Variants in WDFY1 observed in about 807,000 individuals in gnomAD.
The protein encoded by WDFY1 is WD repeat and FYVE domain-containing protein 1.
Under a neutral mutation model 56.4 loss-of-function variants are expected in WDFY1, and 32 were observed. The observed-to-expected ratio is 0.57, with a 90% CI of 0.43 to 0.76. The LOEUF (loss-of-function observed/expected upper bound fraction) is 0.76. Ranked by LOEUF, WDFY1 falls within the 30% of genes least tolerant of loss-of-function variation. WDFY1 has a pLI of 0.00. For synonymous variants in WDFY1, 192 were observed against 197.3 expected (o/e 0.97, Z 0.23); for missense variants, 480 against 545.7 (o/e 0.88, Z 1.20).
At chr2:223,929,860 C>CAG (rs1160893) in intron 1 of WDFY1, among the ~76,000 whole-genome samples, 127,796 of 151,966 alleles carry the variant, frequency 0.84, 54,468 homozygotes, top group Non-Finnish European at 0.93. Context: ...TCTCTCTTAT[C>CAG]AAGATGGTGA....
chr2:223,905,982 T>C lies in WDFY1; in HGVS notation c.299A>G (p.Asp100Gly). The C allele has an allele frequency of 6.3e-7, 1 of 1,580,668 alleles. No homozygotes were observed. Among genetic ancestry groups the C allele is most frequent in the Non-Finnish European group, 8.6e-7 (1 of 1,166,494 alleles). Residue 100 changes from aspartate to glycine, a missense_variant, in exon 4 of 12, where the codon GAT (aspartate) becomes GGT (glycine). Coordinates refer to ENST00000233055, the MANE Select transcript of WDFY1 (RefSeq NM_020830.5). ...GAVMEFHVSE[D>G]FNKMNFIKTY... ...CTTGATAAAGTTCATTTTATTAAAA[T>C]CTTCAGAAACGTGAAATTCCTAAAA...
intron 1 of WDFY1, among the ~76,000 whole-genome samples, chr2:223,930,512 G>T (rs899212382): frequency 7.2e-5 from 11 of 152,332 alleles, no homozygotes; most frequent in Non-Finnish European, 1.5e-4. Flanking sequence ...TGTATTTTTA[G>T]TAGAGACGGG....
rs1164720185 is a variant in WDFY1 at position 223,920,323 on chromosome 2, G to A, written c.138-2313C>T. Among the ~76,000 whole-genome samples the A allele has an allele frequency of 5.3e-5, 8 of 152,224 alleles. No homozygotes were observed. The East Asian group carries it at 1.2e-3, about 22-fold the overall frequency. On this transcript the variant is annotated intron_variant, in intron 1 of 11. Transcript: ENST00000233055. ...ACTGCACCCAGCAGGCTGGGCCCAC[G>A]CGGCCAGGCCCATGAGGGCTGCACA...
rs574937120 is a variant in WDFY1, at chr2:223,877,686, A to G, written c.*985T>C. On this transcript the variant is annotated 3_prime_UTR_variant, in exon 12 of 12. Coordinates refer to ENST00000233055, the MANE Select transcript of WDFY1 (RefSeq NM_020830.5). ...ATGAATAATACTAGTTATAACTCAA[A>G]GTCAAAATAGTGTAAAAGCTGTGGA... is the stretch of plus-strand genomic sequence containing the variant. The G allele has an allele frequency of 9.2e-5, 14 of 152,622 alleles. No homozygotes were observed. Among genetic ancestry groups the G allele is most frequent in the African/African-American group, 3.4e-4 (14 of 41,574 alleles). The allele number at this position is 152,622 out of a possible 1,614,324, so 9.5% of individuals were successfully genotyped here.
At chr2:223,913,634 A>T (rs1399964060) in intron 2 of WDFY1, among the ~76,000 whole-genome samples, 5 of 152,204 alleles carry the variant, frequency 3.3e-5, no homozygotes, top group African/African-American at 1.2e-4. Flanking sequence ...TCATGCTTTG[A>T]TGCGTTCAGA....
intron 3 of WDFY1, among the ~76,000 whole-genome samples, chr2:223,910,447 TAA>T (rs1196716792): frequency 1.3e-4 from 16 of 127,442 alleles, no homozygotes; most frequent in Admixed American, 3.2e-4. Context: ...TCACCAAACT[TAA>T]AAAAAAAAAA....
intron 4 of WDFY1, among the ~76,000 whole-genome samples, chr2:223,903,648 GTT>G (rs1195334020): frequency 0.095 from 876 of 9,254 alleles, 12 homozygotes; most frequent in South Asian, 0.35. Flanking sequence ...CACGTTTTTT[GTT>G]TTTTTTTTTT....
intron 1 of WDFY1, among the ~76,000 whole-genome samples, chr2:223,932,286 C>T (rs1694091771): frequency 6.6e-6 from 1 of 151,882 alleles, no homozygotes; most frequent in Non-Finnish European, 1.5e-5. Flanking sequence ...CCACGCCTGG[C>T]TAATTTTTTG....
At chr2:223,912,156 G>T (rs1284297387) in intron 3 of WDFY1, 97 bp downstream of exon 3, 1 of 1,265,028 alleles carries the variant, frequency 7.9e-7, no homozygotes, top group Non-Finnish European at 1.1e-6. Flanking sequence ...AGCATCCATT[G>T]TTAATCCAAA....
chr2:223,884,967 A>T (rs1693147674), intron 8 of WDFY1, among the ~76,000 whole-genome samples: 2 of 149,252 alleles, frequency 1.3e-5, no homozygotes, highest in Admixed American at 1.3e-4. Flanking sequence ...TCAGGCTCCC[A>T]AGTGGCTGGG....
intron 2 of WDFY1, among the ~76,000 whole-genome samples, chr2:223,913,651 C>T (rs1045046684): frequency 1.3e-5 from 2 of 152,174 alleles, no homozygotes; most frequent in African/African-American, 4.8e-5. Context: ...CAGAGATTCA[C>T]TGTCATCATT....
At chr2:223,936,144 C>G (rs1694166150) in intron 1 of WDFY1, among the ~76,000 whole-genome samples, 1 of 147,084 alleles carries the variant, frequency 6.8e-6, no homozygotes, top group Non-Finnish European at 1.5e-5. Flanking sequence ...TCACTGCAAC[C>G]TATGCCCCTT....
chr2:223,894,248 C>G lies in WDFY1; in HGVS notation c.817G>C (p.Val273Leu). The G allele has an allele frequency of 6.2e-7, 1 of 1,614,160 alleles. No homozygotes were observed. Among genetic ancestry groups the G allele is most frequent in the Non-Finnish European group, 8.5e-7 (1 of 1,179,992 alleles). ...TTGTCTCTTACCTCTTCTCTGCTAA[C>G]ATCCATGTTCCACACTGCAATTCCG... ...DGGIAVWNMD[V>L]SREEAPQWLE... Residue 273 changes from valine to leucine, a missense_variant, in exon 8 of 12, where the codon GTT becomes CTT. Transcript: ENST00000233055.
intron 10 of WDFY1, 125 bp downstream of exon 10, chr2:223,881,817 G>A: frequency 7.5e-7 from 1 of 1,338,604 alleles, no homozygotes. Context: ...AAATGGCTTA[G>A]GAAATTCAGG....
chr2:223,892,753 A>T (rs1210294041), intron 8 of WDFY1, among the ~76,000 whole-genome samples: 1 of 152,262 alleles, frequency 6.6e-6, no homozygotes, highest in Non-Finnish European at 1.5e-5. Flanking sequence ...AATGGTGCAC[A>T]GCACACTGAA....
chr2:223,939,600 CAA>C (rs1044626330), intron 1 of WDFY1, among the ~76,000 whole-genome samples: 16 of 152,134 alleles, frequency 1.1e-4, no homozygotes, highest in Non-Finnish European at 1.6e-4. Flanking sequence ...TGGTAGCAGA[CAA>C]GAGAGAAATA....
chr2:223,926,795 G>A (rs1693990945), intron 1 of WDFY1, among the ~76,000 whole-genome samples: 1 of 152,128 alleles, frequency 6.6e-6, no homozygotes, highest in African/African-American at 2.4e-5. Context: ...AGCCTCCTGA[G>A]CAGCTGGACT....
chr2:223,920,219 T>TC (rs1693866144), intron 1 of WDFY1, among the ~76,000 whole-genome samples: 1 of 152,188 alleles, frequency 6.6e-6, no homozygotes, highest in African/African-American at 2.4e-5. Context: ...TTAAGAAGCA[T>TC]CAGCAGCTGG....
intron 1 of WDFY1, among the ~76,000 whole-genome samples, chr2:223,929,178 TTC>T (rs1333068685): frequency 2.4e-5 from 1 of 41,532 alleles, no homozygotes; most frequent in African/African-American, 5.7e-5. Context: ...TTTTTTTTCT[TTC>T]TGTTTTTTGT....
Sources: allele counts gnomAD v4.1 joint callset (sites outside exome capture counted in the v4.1 genomes callset), GRCh38; gene constraint gnomAD v4.1.1; transcripts MANE v1.5; gene names NCBI Gene and HGNC (gene_info 2026-07-23, HGNC 2026-07-21).